CCSER1: variants seen among roughly 807,000 people sequenced by gnomAD.
The protein encoded by CCSER1 is coiled-coil serine rich protein 1.
CCSER1 carries 41 observed loss-of-function variants against 82.0 expected under a neutral mutation model. That is an observed-to-expected ratio of 0.50 (90% CI 0.39 to 0.65). CCSER1 has a LOEUF of 0.65. Among genes scored for constraint, CCSER1 ranks in the 30% least tolerant of loss-of-function variants. CCSER1 has a pLI of 0.00. For missense variants in CCSER1, 1,119 were observed against 1,064.2 expected, an observed-to-expected ratio of 1.05 and a Z score of -0.72; for synonymous variants, 414 against 383.9, an observed-to-expected ratio of 1.08 and a Z score of -0.92.
intron 10 of CCSER1, among the ~76,000 whole-genome samples, chr4:91,519,744 C>T (rs769338481): frequency 6.6e-6 from 1 of 152,164 alleles, no homozygotes; most frequent in Admixed American, 6.5e-5. Flanking sequence ...CTGTGCCACT[C>T]CTGGGTGTGT....
intron 10 of CCSER1, among the ~76,000 whole-genome samples, chr4:91,508,161 G>GTT (rs1197550877): frequency 1.0e-5 from 1 of 99,928 alleles, no homozygotes; most frequent in Non-Finnish European, 2.1e-5. Flanking sequence ...TTTTTTTCTG[G>GTT]GTTTTTTTTT....
At position 91,166,435 on chromosome 4, in the gene CCSER1, TA is replaced by T. The variant is rs1171253255; in HGVS notation, c.2217+80443del. Among the ~76,000 whole-genome samples, 13 of 152,314 alleles carry T rather than the reference TA, an allele frequency of 8.5e-5. No homozygotes were observed. The Middle Eastern group carries it at 0.01, about 120-fold the overall frequency. On this transcript the variant is annotated intron_variant, in intron 10 of 10. Transcript: ENST00000509176. ...TCATTTTAACCAATGTTAGTTGCTC[TA>T]ATCAAGAAGATAGCCAAATAGAAAG... is the stretch of plus-strand genomic sequence containing the variant.
intron 10 of CCSER1, among the ~76,000 whole-genome samples, chr4:91,530,136 T>C (rs79511451): frequency 0.045 from 6,814 of 152,140 alleles, 481 homozygotes; most frequent in African/African-American, 0.15. Context: ...CTCTCAACGG[T>C]AATGAAGAAG....
intron 10 of CCSER1, among the ~76,000 whole-genome samples, chr4:91,161,946 C>A (rs1003311551): frequency 2.0e-5 from 3 of 152,092 alleles, no homozygotes; most frequent in Non-Finnish European, 2.9e-5. Flanking sequence ...TTCCTGATTG[C>A]CCTGGCGAGA....
chr4:90,397,251 C>T (rs1448176763), intron 3 of CCSER1, among the ~76,000 whole-genome samples: 3 of 152,008 alleles, frequency 2.0e-5, no homozygotes, highest in Non-Finnish European at 4.4e-5. Context: ...GTGTTACCTG[C>T]AAAAGGAAAA....
chr4:91,211,498 T>C (rs62310739), intron 10 of CCSER1, among the ~76,000 whole-genome samples: 5,694 of 152,140 alleles, frequency 0.037, 178 homozygotes, highest in African/African-American at 0.08. Flanking sequence ...GTTCTGAAAA[T>C]AATCTAAATT....
At chr4:90,518,675 A>G (rs543997364) in intron 5 of CCSER1, among the ~76,000 whole-genome samples, 2 of 152,028 alleles carry the variant, frequency 1.3e-5, no homozygotes, top group African/African-American at 2.4e-5. Flanking sequence ...GTATTAGGAT[A>G]GAAAATATCA....
At chr4:91,143,943 T>C (rs1250317640) in intron 10 of CCSER1, among the ~76,000 whole-genome samples, 1 of 152,046 alleles carries the variant, frequency 6.6e-6, no homozygotes, top group East Asian at 1.9e-4. Context: ...TTCCTTTTTT[T>C]ATTGTGTCTT....
At chr4:90,328,076 T>G (rs1738554891) in intron 3 of CCSER1, among the ~76,000 whole-genome samples, 1 of 152,192 alleles carries the variant, frequency 6.6e-6, no homozygotes, top group Non-Finnish European at 1.5e-5. Flanking sequence ...TTTATTTACC[T>G]GTCCTATCTA....
chr4:91,005,436 A>T (rs1738418160), intron 9 of CCSER1, among the ~76,000 whole-genome samples: 1 of 152,056 alleles, frequency 6.6e-6, no homozygotes, highest in African/African-American at 2.4e-5. Flanking sequence ...CAATCAAAAT[A>T]GAATTTTTTA....
At position 91,603,517 on chromosome 4, in the gene CCSER1, G is replaced by GA. The variant is rs1764883539; in HGVS notation, c.*4461dup. ...TTAAGGTGAAATAAAATCATTAATA[G>GA]AGAGTAGGTTCCTTCCATTTGAGTA... On this transcript the variant is annotated 3_prime_UTR_variant, in exon 11 of 11. Coordinates refer to ENST00000509176, the MANE Select transcript of CCSER1 (RefSeq NM_001145065.2). 1.3e-5 allele frequency: 2 copies of GA among 152,120 alleles called. No homozygotes were observed. Among genetic ancestry groups the GA allele is most frequent in the South Asian group, 4.1e-4 (2 of 4,832 alleles). 9.4% of individuals were successfully genotyped at this position (152,120 alleles called of 1,614,324 possible).
At chr4:91,573,757 T>G (rs1277163385) in intron 10 of CCSER1, among the ~76,000 whole-genome samples, 1 of 152,120 alleles carries the variant, frequency 6.6e-6, no homozygotes, top group African/African-American at 2.4e-5. Context: ...GTTGAAGGTG[T>G]TGTATTTACT....
chr4:91,116,586 A>G (rs1726626252), intron 10 of CCSER1, among the ~76,000 whole-genome samples: 1 of 152,186 alleles, frequency 6.6e-6, no homozygotes, highest in African/African-American at 2.4e-5. Flanking sequence ...AATGGGCCAA[A>G]ATATGCAAAG....
At chr4:90,338,704 C>T (rs1740852648) in intron 3 of CCSER1, among the ~76,000 whole-genome samples, 1 of 151,156 alleles carries the variant, frequency 6.6e-6, no homozygotes, top group Non-Finnish European at 1.5e-5. Context: ...ATCAGACGTA[C>T]TCGCCTTCTG....
intron 10 of CCSER1, among the ~76,000 whole-genome samples, chr4:91,378,142 G>T (rs1209584307): frequency 1.3e-5 from 2 of 152,136 alleles, no homozygotes; most frequent in Admixed American, 6.5e-5. Flanking sequence ...ATGCTGTTTT[G>T]GTTACCGTAG....
At chr4:90,960,413 G>C (rs1733944800) in intron 9 of CCSER1, among the ~76,000 whole-genome samples, 1 of 152,050 alleles carries the variant, frequency 6.6e-6, no homozygotes, top group Admixed American at 6.6e-5. Context: ...CTGGTATCTT[G>C]TCAGTCTTTA....
chr4:91,048,927 G>T (rs963731519), intron 9 of CCSER1, among the ~76,000 whole-genome samples: 1 of 152,054 alleles, frequency 6.6e-6, no homozygotes, highest in Admixed American at 6.5e-5. Context: ...TCCATTATTG[G>T]CATAACAAGG....
At chr4:90,448,853 C>T (rs1165612559) in intron 4 of CCSER1, among the ~76,000 whole-genome samples, 1 of 152,036 alleles carries the variant, frequency 6.6e-6, no homozygotes, top group Admixed American at 6.5e-5. Flanking sequence ...CGTGTTTCAA[C>T]CCTGTTTGTG....
intron 9 of CCSER1, among the ~76,000 whole-genome samples, chr4:91,075,945 C>T (rs1475062679): frequency 1.3e-5 from 2 of 152,050 alleles, no homozygotes. Context: ...TGATACTTCC[C>T]TAACAGTTTT....
Sources: gnomAD v4.1 joint callset for allele counts (sites outside exome capture counted in the v4.1 genomes callset) on GRCh38, gnomAD v4.1.1 for gene constraint, MANE v1.5 for transcripts, NCBI Gene and HGNC (gene_info 2026-07-23, HGNC 2026-07-21) for gene names.